WWP2: variants seen among roughly 807,000 people sequenced by gnomAD.
The protein encoded by WWP2 is NEDD4-like E3 ubiquitin-protein ligase WWP2.
Under a neutral mutation model 121.0 loss-of-function variants are expected in WWP2, and 57 were observed. That is an observed-to-expected ratio of 0.47 (90% CI 0.38 to 0.59). WWP2 has a LOEUF of 0.59. WWP2 is among the 20% of genes least tolerant of loss of function. The pLI, the probability that WWP2 is intolerant of heterozygous loss-of-function variation, is 0.00. For synonymous variants in WWP2, 449 were observed against 441.3 expected (o/e 1.02, Z -0.22); for missense variants, 962 against 1,158.9 (o/e 0.83, Z 2.47).
At chr16:69,776,001 C>T (rs888361336) in intron 1 of WWP2, among the ~76,000 whole-genome samples, 1 of 152,124 alleles carries the variant, frequency 6.6e-6, no homozygotes, top group African/African-American at 2.4e-5. Context: ...CTAAAAACTC[C>T]TTCTTAAATA....
intron 4 of WWP2, among the ~76,000 whole-genome samples, chr16:69,811,777 A>G (rs1376494861): frequency 6.6e-6 from 1 of 152,124 alleles, no homozygotes; most frequent in East Asian, 1.9e-4. Context: ...ATTCAAATTC[A>G]GAGAAGTGTT....
intron 1 of WWP2, chr16:69,774,978 A>AAAAAG (rs1173087301): frequency 6.6e-6 from 1 of 152,656 alleles, no homozygotes; most frequent in Non-Finnish European, 1.5e-5. Context: ...AAAAAAAAAA[A>AAAAAG]AAAAGAAAAG....
At chr16:69,766,924 T>C (rs1303080280) in intron 1 of WWP2, among the ~76,000 whole-genome samples, 6 of 152,166 alleles carry the variant, frequency 3.9e-5, no homozygotes, top group Admixed American at 3.9e-4. Flanking sequence ...CAACTAATTT[T>C]TGTATTTTTA....
At chr16:69,910,838 C>G (rs1314505146) in intron 9 of WWP2, among the ~76,000 whole-genome samples, 1 of 152,170 alleles carries the variant, frequency 6.6e-6, no homozygotes, top group Admixed American at 6.5e-5. Context: ...TTGCTCTCCT[C>G]TAGGTGTTGA....
intron 2 of WWP2, among the ~76,000 whole-genome samples, chr16:69,793,545 G>A (rs2055958459): frequency 6.6e-6 from 1 of 151,944 alleles, no homozygotes; most frequent in Non-Finnish European, 1.5e-5. Flanking sequence ...GCTGCTTATT[G>A]GTTGGGGATG....
At chr16:69,819,578 A>G (rs145028606) in intron 4 of WWP2, among the ~76,000 whole-genome samples, 15 of 152,044 alleles carry the variant, frequency 9.9e-5, no homozygotes, top group South Asian at 6.2e-4. Context: ...ATTTTAATTT[A>G]ATTTAATTTT....
At chr16:69,862,602 A>C (rs2057442828) in intron 6 of WWP2, among the ~76,000 whole-genome samples, 1 of 151,458 alleles carries the variant, frequency 6.6e-6, no homozygotes, top group African/African-American at 2.4e-5. Context: ...CTTGAATACC[A>C]GTGGGCCTGA....
At chr16:69,776,777 G>A (rs972565142) in intron 1 of WWP2, among the ~76,000 whole-genome samples, 5 of 151,342 alleles carry the variant, frequency 3.3e-5, no homozygotes, top group Non-Finnish European at 5.9e-5. Context: ...GTGGTGAGCC[G>A]AGATTGTGCC....
At chr16:69,847,635 C>T (rs1232503937) in intron 6 of WWP2, among the ~76,000 whole-genome samples, 5 of 151,372 alleles carry the variant, frequency 3.3e-5, no homozygotes, top group African/African-American at 1.2e-4. Context: ...CTCGAACTCC[C>T]GACCTCAGGT....
At chr16:69,882,008 T>A (rs183902685) in intron 7 of WWP2, among the ~76,000 whole-genome samples, 175 of 147,132 alleles carry the variant, frequency 1.2e-3, no homozygotes, top group Admixed American at 1.8e-3. Context: ...TTTGTATAGA[T>A]GGGGTTTTGC....
At chr16:69,933,796 G>A (rs528305730) in intron 16 of WWP2, among the ~76,000 whole-genome samples, 174 bp from the exon 17 acceptor site, 1 of 152,100 alleles carries the variant, frequency 6.6e-6, no homozygotes, top group African/African-American at 2.4e-5. Context: ...AGCCTGCCCT[G>A]TTCACTGACC....
chr16:69,842,119 C>A lies in WWP2; in HGVS notation c.574C>A (p.Arg192=). ...CACAAACTGCTTTGGTGGAAGATCC[C>A]GGTAAGACCCCCCTTGGTGAGGACA... ...PSTNCFGGRS[R]THRHSGASAR... Residue 192 remains arginine (R), a splice_region_variant and synonymous_variant, in exon 6 of 24, where the codon CGG becomes AGG. Transcript: ENST00000359154. The A allele has an allele frequency of 6.2e-7, 1 of 1,611,856 alleles. No individual in the cohort carries two copies.
intron 6 of WWP2, among the ~76,000 whole-genome samples, chr16:69,858,041 T>A (rs925428776): frequency 3.9e-5 from 6 of 152,164 alleles, no homozygotes; most frequent in Admixed American, 3.9e-4. Flanking sequence ...ATACTCATTA[T>A]TTTGTAGTGG....
intron 6 of WWP2, among the ~76,000 whole-genome samples, chr16:69,849,221 C>G (rs1236983246): frequency 1.3e-5 from 2 of 152,094 alleles, no homozygotes; most frequent in African/African-American, 4.8e-5. Flanking sequence ...GCAGAGCTAG[C>G]AGGGAGGAGG....
At chr16:69,893,449 T>G (rs567571044) in intron 8 of WWP2, among the ~76,000 whole-genome samples, 1 of 152,336 alleles carries the variant, frequency 6.6e-6, no homozygotes, top group African/African-American at 2.4e-5. Context: ...GACAGCAATA[T>G]TGCATTTTCT....
chr16:69,776,760 G>A (rs996538712), intron 1 of WWP2, among the ~76,000 whole-genome samples: 3 of 152,056 alleles, frequency 2.0e-5, no homozygotes, highest in Admixed American at 6.6e-5. Context: ...CCTGGGAGGC[G>A]GAGGTTGTGG....
At chr16:69,798,863 A>G (rs773981032) in intron 3 of WWP2, 34 bp downstream of exon 3, 1 of 1,609,722 alleles carries the variant, frequency 6.2e-7, no homozygotes, top group East Asian at 2.2e-5. Flanking sequence ...GAACGCAGCA[A>G]GATGGGGAAA....
intron 8 of WWP2, among the ~76,000 whole-genome samples, chr16:69,888,797 T>C (rs28538568): frequency 0.022 from 3,272 of 152,136 alleles, 96 homozygotes; most frequent in African/African-American, 0.067. Flanking sequence ...CTCTGCCTCC[T>C]GGGTTCAAGT....
intron 4 of WWP2, among the ~76,000 whole-genome samples, chr16:69,816,164 A>T (rs2056485990): frequency 1.3e-5 from 2 of 152,156 alleles, no homozygotes; most frequent in African/African-American, 4.8e-5. Flanking sequence ...TTGTGGAATG[A>T]TTACAATAAT....
Sources: gnomAD v4.1 joint callset for allele counts (sites outside exome capture counted in the v4.1 genomes callset) on GRCh38, gnomAD v4.1.1 for gene constraint, MANE v1.5 for transcripts, NCBI Gene and HGNC (gene_info 2026-07-23, HGNC 2026-07-21) for gene names.